The following GRID2 variants were observed in gnomAD, a reference collection of about 807,000 sequenced individuals.
GRID2 encodes the protein glutamate receptor ionotropic, delta-2.
GRID2 carries 33 observed loss-of-function variants against 114.8 expected under a neutral mutation model. The observed-to-expected ratio is 0.29, with a 90% CI of 0.22 to 0.38. GRID2 has a LOEUF of 0.38. Ranked by LOEUF, GRID2 falls within the 10% of genes least tolerant of loss-of-function variation. The probability of loss-of-function intolerance (pLI) is 1.00; values close to 1 mark genes in which losing one functional copy is unlikely to be tolerated. For missense variants in GRID2, 1,184 were observed against 1,257.7 expected (o/e 0.94, Z 0.89); for synonymous variants, 505 against 449.9 (o/e 1.12, Z -1.55).
At chr4:93,749,442 C>T (rs1452169309) in intron 14 of GRID2, among the ~76,000 whole-genome samples, 1 of 152,194 alleles carries the variant, frequency 6.6e-6, no homozygotes, top group Non-Finnish European at 1.5e-5. Context: ...ACAATCATAG[C>T]TTCTGTGCTT....
chr4:92,565,432 A>G (rs2149186373), intron 1 of GRID2, among the ~76,000 whole-genome samples: 1 of 152,180 alleles, frequency 6.6e-6, no homozygotes, highest in South Asian at 2.1e-4. Context: ...TGACAGTATA[A>G]GAAGATCAAA....
chr4:93,452,135 A>G (rs1161510411), intron 10 of GRID2, among the ~76,000 whole-genome samples: 1 of 152,172 alleles, frequency 6.6e-6, no homozygotes, highest in African/African-American at 2.4e-5. Context: ...AGTCCAGAGA[A>G]CTGCTAACAT....
chr4:92,835,636 C>A (rs6817383), intron 2 of GRID2, among the ~76,000 whole-genome samples: 3 of 151,926 alleles, frequency 2.0e-5, no homozygotes, highest in African/African-American at 7.3e-5. Flanking sequence ...ATGGGACCAC[C>A]CCCCATGCCA....
intron 14 of GRID2, among the ~76,000 whole-genome samples, chr4:93,719,659 A>AAT (rs1313553892): frequency 6.6e-6 from 1 of 152,166 alleles, no homozygotes; most frequent in Non-Finnish European, 1.5e-5. Flanking sequence ...ACACTTAATA[A>AAT]ATACTTAATA....
intron 4 of GRID2, among the ~76,000 whole-genome samples, chr4:93,180,852 A>G (rs1739826255): frequency 6.6e-6 from 1 of 152,094 alleles, no homozygotes; most frequent in African/African-American, 2.4e-5. Context: ...CTTGCTATTT[A>G]CAGCACATCT....
At position 93,687,331 on chromosome 4, in the gene GRID2, T is replaced by C. The variant is rs187434196; in HGVS notation, c.2360+60896T>C. Among the ~76,000 whole-genome samples, 182 of 152,124 alleles carry C rather than the reference T, an allele frequency of 1.2e-3. 2 individuals carry two copies. The highest frequency in any genetic ancestry group is 2.2e-4 in the Non-Finnish European group (15 of 67,932). On this transcript the variant is annotated intron_variant, in intron 14 of 15. Transcript: ENST00000282020. Reference sequence around the variant, plus strand: ...TTTGGGGCATATTAAGTTTGAGATGTCTATTGGACATCCCAGTGGGAGATC... The same window carrying C: ...TTTGGGGCATATTAAGTTTGAGATGCCTATTGGACATCCCAGTGGGAGATC...
At chr4:93,335,579 G>A (rs1027786599) in intron 8 of GRID2, among the ~76,000 whole-genome samples, 4 of 152,032 alleles carry the variant, frequency 2.6e-5, no homozygotes, top group African/African-American at 9.7e-5. Flanking sequence ...ACTAAACTTT[G>A]TGCCTACTCC....
rs183634492 is a variant in GRID2, at chr4:92,784,032, C to G, written c.244+193746C>G. ...TTCATATGTTCTTAATATTAACAAA[C>G]TTATCTGAATTTTACCCTTGGGAAT... On this transcript the variant is annotated intron_variant, in intron 2 of 15. Transcript: ENST00000282020. 2.6e-5 allele frequency among the ~76,000 whole-genome samples: 4 copies of G among 152,024 alleles called. No homozygotes were observed. The East Asian group carries it at 5.8e-4, about 22-fold the overall frequency.
intron 8 of GRID2, among the ~76,000 whole-genome samples, chr4:93,248,136 A>G (rs1748414008): frequency 6.6e-6 from 1 of 152,118 alleles, no homozygotes; most frequent in Non-Finnish European, 1.5e-5. Context: ...CAAATTCAAC[A>G]ATATGATGTG....
intron 1 of GRID2, among the ~76,000 whole-genome samples, chr4:92,363,514 T>A (rs372456361): frequency 5.9e-5 from 9 of 152,058 alleles, no homozygotes; most frequent in African/African-American, 1.7e-4. Flanking sequence ...CTCTTCAAAA[T>A]TGATACACAA....
chr4:93,608,296 CTT>C (rs774334616), intron 13 of GRID2, among the ~76,000 whole-genome samples: 1 of 117,012 alleles, frequency 8.5e-6, no homozygotes, highest in Non-Finnish European at 1.7e-5. Context: ...ATTTTTTTTT[CTT>C]TTTTTTTTTT....
intron 2 of GRID2, among the ~76,000 whole-genome samples, chr4:92,613,931 C>T (rs1277961867): frequency 6.6e-6 from 1 of 151,270 alleles, no homozygotes; most frequent in East Asian, 1.9e-4. Context: ...GATAATTCTG[C>T]ATATTTATGT....
At chr4:93,792,998 C>A (rs1174601405) in intron 1 of GRID2, among the ~76,000 whole-genome samples, 1 of 152,176 alleles carries the variant, frequency 6.6e-6, no homozygotes, top group Non-Finnish European at 1.5e-5. Context: ...TGCAGTTTAG[C>A]CATAGTCCTT....
At chr4:93,259,714 A>T (rs146897853) in intron 8 of GRID2, among the ~76,000 whole-genome samples, 2 of 151,942 alleles carry the variant, frequency 1.3e-5, no homozygotes, top group Non-Finnish European at 3.0e-5. Context: ...TAAAGTTCAA[A>T]AACTATGTTT....
chr4:93,118,898 A>G lies in GRID2; in HGVS notation c.735+7945A>G, dbSNP rs756445523. 9.2e-5 allele frequency among the ~76,000 whole-genome samples: 14 copies of G among 152,204 alleles called. 1 individual carries two copies. Among genetic ancestry groups the G allele is most frequent in the Non-Finnish European group, 1.5e-4 (10 of 68,036 alleles). ...AACCCTACTGTTTTCTATACTTTAT[A>G]AGTTAGCATGCAAAGTTATTGAAAT... On this transcript the variant is annotated intron_variant, in intron 4 of 15. Transcript: ENST00000282020.
chr4:93,677,434 C>T (rs1017906653), intron 14 of GRID2, among the ~76,000 whole-genome samples: 4 of 152,156 alleles, frequency 2.6e-5, no homozygotes, highest in African/African-American at 9.7e-5. Flanking sequence ...CAGTGGTTCT[C>T]CCAGCACGCA....
At chr4:93,611,489 C>G (rs1398305711) in intron 13 of GRID2, among the ~76,000 whole-genome samples, 1 of 134,924 alleles carries the variant, frequency 7.4e-6, no homozygotes, top group Admixed American at 7.3e-5. Flanking sequence ...GCTTTGAATG[C>G]GTCCCAGAGA....
chr4:92,919,086 G>A (rs1749074577), intron 2 of GRID2, among the ~76,000 whole-genome samples: 1 of 152,108 alleles, frequency 6.6e-6, no homozygotes, highest in African/African-American at 2.4e-5. Flanking sequence ...TTGGAAGAGT[G>A]TATGTGTTGA....
At chr4:93,189,881 G>A (rs1339263693) in intron 4 of GRID2, among the ~76,000 whole-genome samples, 1 of 150,670 alleles carries the variant, frequency 6.6e-6, no homozygotes, top group African/African-American at 2.4e-5. Context: ...CCAAAAGTGT[G>A]TATAAAAAAC....
Sources: gnomAD v4.1 joint callset for allele counts (sites outside exome capture counted in the v4.1 genomes callset) on GRCh38, gnomAD v4.1.1 for gene constraint, MANE v1.5 for transcripts, NCBI Gene and HGNC (gene_info 2026-07-23, HGNC 2026-07-21) for gene names.